Variants in VAV2 observed in about 807,000 individuals in gnomAD.
VAV2 encodes the protein guanine nucleotide exchange factor VAV2.
Under a neutral mutation model 132.5 loss-of-function variants are expected in VAV2, and 67 were observed. That is an observed-to-expected ratio of 0.51 (90% CI 0.42 to 0.62). VAV2 has a LOEUF of 0.62. Among genes scored for constraint, VAV2 ranks in the 20% least tolerant of loss-of-function variants. The pLI is 0.00. For missense variants in VAV2, 938 were observed against 1,153.6 expected, an observed-to-expected ratio of 0.81 and a Z score of 2.71; for synonymous variants, 492 against 443.5, an observed-to-expected ratio of 1.11 and a Z score of -1.37.
At chr9:133,783,420 C>A in intron 19 of VAV2, 83 bp downstream of exon 19, 1 of 1,395,942 alleles carries the variant, frequency 7.2e-7, no homozygotes, top group South Asian at 1.2e-5. Context: ...AGATGGTGCC[C>A]GAGGCCCGTA....
At position 133,789,357 on chromosome 9, in the gene VAV2, G is replaced by A; in HGVS notation, c.1189-14C>T. ...CAGTTTCACTTGCTGGGAAGAAGGA[G>A]AGGGGCCGTCAGCCGGGGCTGGAGC... On this transcript the variant is annotated splice_polypyrimidine_tract_variant and intron_variant, in intron 13 of 29. Coordinates refer to ENST00000371850, the MANE Select transcript of VAV2 (RefSeq NM_001134398.2). 1 of 1,613,880 alleles carries A rather than the reference G, an allele frequency of 6.2e-7. No homozygotes were observed.
At chr9:133,870,349 T>C (rs890046417) in intron 2 of VAV2, among the ~76,000 whole-genome samples, 7 of 152,118 alleles carry the variant, frequency 4.6e-5, no homozygotes, top group Admixed American at 4.6e-4. Context: ...GCCAGGCAAC[T>C]AGCAGCGACT....
intron 2 of VAV2, among the ~76,000 whole-genome samples, chr9:133,865,918 C>G (rs928552578): frequency 1.3e-5 from 2 of 152,256 alleles, no homozygotes; most frequent in Non-Finnish European, 2.9e-5. Flanking sequence ...AGGCCCCACT[C>G]CATGCCTGGT....
intron 2 of VAV2, among the ~76,000 whole-genome samples, chr9:133,864,908 G>A (rs972843525): frequency 6.6e-6 from 1 of 152,218 alleles, no homozygotes; most frequent in African/African-American, 2.4e-5. Context: ...TCCGGGGTAG[G>A]AACAAAGTTG....
At chr9:133,779,529 G>T (rs1436530725) in intron 21 of VAV2, among the ~76,000 whole-genome samples, 1 of 152,224 alleles carries the variant, frequency 6.6e-6, no homozygotes, top group African/African-American at 2.4e-5. Context: ...TGCTTTTTAC[G>T]CTGTGTCTAG....
intron 1 of VAV2, among the ~76,000 whole-genome samples, chr9:133,941,035 C>T (rs1316736466): frequency 6.6e-6 from 1 of 151,754 alleles, no homozygotes; most frequent in East Asian, 1.9e-4. Context: ...ACAGAACTTT[C>T]TGGAATGACA....
intron 2 of VAV2, among the ~76,000 whole-genome samples, chr9:133,868,055 C>T (rs1280604634): frequency 6.6e-6 from 1 of 152,248 alleles, no homozygotes; most frequent in East Asian, 1.9e-4. Flanking sequence ...AGTGAGAGAG[C>T]CACTGGCTTC....
chr9:133,785,319 A>C lies in VAV2; in HGVS notation c.1532+457T>G, dbSNP rs574538878. Among the ~76,000 whole-genome samples the C allele has an allele frequency of 2.0e-4, 30 of 152,286 alleles. No homozygotes were observed. In the South Asian group the frequency reaches 5.8e-3, roughly 29 times the overall value. On this transcript the variant is annotated intron_variant, in intron 17 of 29. Coordinates refer to ENST00000371850, the MANE Select transcript of VAV2 (RefSeq NM_001134398.2). ...CGTTCATCATCTTTCTCTGTTTCAC[A>C]TATCTAGGATATGAGTCCTCTTGGA...
intron 1 of VAV2, among the ~76,000 whole-genome samples, chr9:133,956,591 G>A (rs996139885): frequency 2.6e-5 from 4 of 152,330 alleles, no homozygotes; most frequent in African/African-American, 9.6e-5. Flanking sequence ...CACGCAGCCA[G>A]TTAGTTCCTG....
At chr9:133,807,230 C>G (rs1308740848) in intron 8 of VAV2, 28 bp downstream of exon 8, 1 of 1,604,026 alleles carries the variant, frequency 6.2e-7, no homozygotes, top group Admixed American at 1.7e-5. Context: ...CCGAGCCTGG[C>G]ATGAGCGATG....
chr9:133,788,413 T>TG lies in VAV2; in HGVS notation c.1347dup (p.Ile450HisfsTer59). 1 of 1,612,214 alleles carries TG rather than the reference T, an allele frequency of 6.2e-7. No individual in the cohort carries two copies. The highest frequency in any genetic ancestry group is 8.5e-7 in the Non-Finnish European group (1 of 1,178,400). ...GTCATCTTGTGGAACAGCAGCTCGATGATCTCCTTGAGCTCGTAGCTGTAG... is the reference window on the plus strand; with the variant it reads ...GTCATCTTGTGGAACAGCAGCTCGATGGATCTCCTTGAGCTCGTAGCTGTAG... On this transcript the variant is annotated frameshift_variant, in exon 15 of 30. Transcript: ENST00000371850. LOFTEE classifies it high-confidence loss of function. This position sits in a 1 kb window ranked among gnomAD's most constrained non-coding sequence, Gnocchi z 5.3.
At chr9:133,898,781 G>A (rs185675158) in intron 2 of VAV2, among the ~76,000 whole-genome samples, 371 of 149,108 alleles carry the variant, frequency 2.5e-3, no homozygotes, top group African/African-American at 8.9e-3. Context: ...AGCCACCACA[G>A]GCCGTGTCGG....
chr9:133,801,035 C>T (rs1207356262), intron 9 of VAV2, among the ~76,000 whole-genome samples: 1 of 152,224 alleles, frequency 6.6e-6, no homozygotes, highest in Non-Finnish European at 1.5e-5. Flanking sequence ...CACCCACCAG[C>T]TCTGAGCTCC....
chr9:133,769,370 C>A lies in VAV2; in HGVS notation c.2434+47G>T, dbSNP rs56243732. The A allele has an allele frequency of 9.1e-5, 143 of 1,563,088 alleles. 1 individual carries two copies. The East Asian group carries it at 2.4e-3, about 27-fold the overall frequency. ...CAGCTCCGTGCTGGGTCTCCCAAGG[C>A]AGCTGCCACAGGCCCGGTCCCCCCA... On this transcript the variant is annotated intron_variant, in intron 28 of 29. Transcript: ENST00000371850. This position sits in a 1 kb window ranked among gnomAD's most constrained non-coding sequence, Gnocchi z 8.1.
chr9:133,822,857 G>A (rs1221261438), intron 4 of VAV2, among the ~76,000 whole-genome samples: 4 of 152,154 alleles, frequency 2.6e-5, no homozygotes, highest in Admixed American at 6.5e-5. Context: ...GGAATGTCCC[G>A]GGCCACAGCA....
chr9:133,824,887 G>A lies in VAV2; in HGVS notation c.449+9385C>T, dbSNP rs750947815. On this transcript the variant is annotated intron_variant, in intron 4 of 29. Transcript: ENST00000371850. This position sits in a 1 kb window ranked among gnomAD's most constrained non-coding sequence, Gnocchi z 5.2. Reference sequence around the variant, plus strand: ...TGTCCAGCGAGAGGGCTCAGGGCCCGGCCTGCAGCGCTCAGGGAGATGCAA... The same window carrying A: ...TGTCCAGCGAGAGGGCTCAGGGCCCAGCCTGCAGCGCTCAGGGAGATGCAA... 5.3e-5 allele frequency among the ~76,000 whole-genome samples: 8 copies of A among 152,310 alleles called. No individual in the cohort carries two copies. The highest frequency in any genetic ancestry group is 1.7e-4 in the African/African-American group (7 of 41,578).
intron 2 of VAV2, among the ~76,000 whole-genome samples, chr9:133,915,318 C>T (rs546991236): frequency 3.3e-5 from 5 of 152,248 alleles, no homozygotes; most frequent in South Asian, 2.1e-4. Flanking sequence ...TTTGAATTCC[C>T]GGCAGCCACC....
At chr9:133,831,174 G>T (rs1193462651) in intron 4 of VAV2, among the ~76,000 whole-genome samples, 4 of 152,100 alleles carry the variant, frequency 2.6e-5, no homozygotes, top group Non-Finnish European at 5.9e-5. Context: ...GGTGGCTCAC[G>T]CCTGTAATCT....
intron 2 of VAV2, among the ~76,000 whole-genome samples, chr9:133,876,437 T>G (rs1046007038): frequency 1.6e-4 from 24 of 152,170 alleles, no homozygotes; most frequent in African/African-American, 5.5e-4. Flanking sequence ...GCAGGCCCCC[T>G]GGGACTGAGG....
Sources: gnomAD v4.1 joint callset for allele counts (sites outside exome capture counted in the v4.1 genomes callset) on GRCh38, gnomAD v4.1.1 for gene constraint, Gnocchi (gnomAD v3.1) non-coding constraint, MANE v1.5 for transcripts, NCBI Gene and HGNC (gene_info 2026-07-23, HGNC 2026-07-21) for gene names.